The following SMAP1 variants were observed in gnomAD, a reference collection of about 807,000 sequenced individuals.
SMAP1 encodes the protein stromal membrane-associated protein 1.
SMAP1 carries 24 observed loss-of-function variants against 58.5 expected under a neutral mutation model. The ratio of observed to expected loss-of-function variants is 0.41; its 90% CI spans 0.30 to 0.58. The LOEUF (loss-of-function observed/expected upper bound fraction) is 0.58, where lower values mean the gene tolerates loss of function less well. Ranked by LOEUF, SMAP1 falls within the 20% of genes least tolerant of loss-of-function variation. SMAP1 has a pLI of 0.29. For missense variants in SMAP1, 563 were observed against 566.3 expected, an observed-to-expected ratio of 0.99 and a Z score of 0.06; for synonymous variants, 216 against 196.6, an observed-to-expected ratio of 1.10 and a Z score of -0.82.
At chr6:70,834,707 T>C (rs1286960458) in intron 6 of SMAP1, among the ~76,000 whole-genome samples, 1 of 152,220 alleles carries the variant, frequency 6.6e-6, no homozygotes, top group African/African-American at 2.4e-5. Context: ...CACACGATTC[T>C]CAGATTCCCT....
intron 3 of SMAP1, among the ~76,000 whole-genome samples, chr6:70,772,150 G>C (rs1767352674): frequency 6.6e-6 from 1 of 152,196 alleles, no homozygotes; most frequent in Admixed American, 6.5e-5. Flanking sequence ...GTAGGTAGGG[G>C]AAAATTTGGA....
intron 1 of SMAP1, among the ~76,000 whole-genome samples, chr6:70,724,766 C>T (rs1449643761): frequency 6.6e-6 from 1 of 152,124 alleles, no homozygotes; most frequent in Admixed American, 6.6e-5. Flanking sequence ...CAGATAACCA[C>T]AGGTGACTAG....
At chr6:70,775,028 A>G (rs2149917031) in intron 4 of SMAP1, among the ~76,000 whole-genome samples, 1 of 152,026 alleles carries the variant, frequency 6.6e-6, no homozygotes, top group East Asian at 1.9e-4. Context: ...AAAAAAAATT[A>G]AGTTTTCAAG....
chr6:70,673,200 CT>C (rs1325774473), intron 1 of SMAP1, among the ~76,000 whole-genome samples: 1 of 152,204 alleles, frequency 6.6e-6, no homozygotes, highest in Non-Finnish European at 1.5e-5. Flanking sequence ...TGCTGAACTG[CT>C]TTCAAGGCCA....
At chr6:70,759,750 A>G (rs965503140) in intron 3 of SMAP1, 6 of 287,366 alleles carry the variant, frequency 2.1e-5, no homozygotes, top group East Asian at 8.3e-5. Flanking sequence ...GTCCTTTTCT[A>G]TAGATTTCAG....
intron 2 of SMAP1, among the ~76,000 whole-genome samples, chr6:70,749,090 C>T (rs570614523): frequency 3.9e-5 from 6 of 152,234 alleles, no homozygotes; most frequent in African/African-American, 1.4e-4. Context: ...TTAATTGACT[C>T]GGTTCCTCAT....
chr6:70,794,521 C>T (rs1159308415), intron 5 of SMAP1, among the ~76,000 whole-genome samples: 1 of 152,174 alleles, frequency 6.6e-6, no homozygotes, highest in Non-Finnish European at 1.5e-5. Context: ...GTTTGCTGCA[C>T]TCGTCAACTC....
chr6:70,716,369 G>A (rs536960031), intron 1 of SMAP1, among the ~76,000 whole-genome samples: 2 of 152,176 alleles, frequency 1.3e-5, no homozygotes, highest in Non-Finnish European at 2.9e-5. Flanking sequence ...GTTCACAACA[G>A]AGTTTGTGCT....
chr6:70,842,394 C>T lies in SMAP1; in HGVS notation c.664+5366C>T, dbSNP rs138899919. On this transcript the variant is annotated intron_variant, in intron 7 of 10. Transcript: ENST00000370455. ...TTGGTGTAAGGTAACTAGCAATGGG[C>T]GGATACTTGCAAGTGGTCCTGAGTC... 1.9e-3 allele frequency among the ~76,000 whole-genome samples: 290 copies of T among 152,216 alleles called. 1 individual carries two copies. The highest frequency in any genetic ancestry group is 6.5e-3 in the African/African-American group (270 of 41,538).
chr6:70,799,225 G>A (rs1768739223), intron 6 of SMAP1, among the ~76,000 whole-genome samples: 1 of 152,138 alleles, frequency 6.6e-6, no homozygotes, highest in African/African-American at 2.4e-5. Context: ...TGAATTTGAA[G>A]AAAGGGATTT....
chr6:70,750,566 A>G (rs1017803302), intron 2 of SMAP1, among the ~76,000 whole-genome samples: 1 of 152,204 alleles, frequency 6.6e-6, no homozygotes, highest in Non-Finnish European at 1.5e-5. Flanking sequence ...AATGTTTCAT[A>G]TACATTAGAT....
At chr6:70,704,685 A>G (rs534110947) in intron 1 of SMAP1, among the ~76,000 whole-genome samples, 3 of 152,280 alleles carry the variant, frequency 2.0e-5, no homozygotes, top group Admixed American at 6.5e-5. Flanking sequence ...AAATCTTTAT[A>G]TAGCAATTTT....
chr6:70,831,368 C>T (rs1244340754), intron 6 of SMAP1, among the ~76,000 whole-genome samples: 1 of 151,950 alleles, frequency 6.6e-6, no homozygotes, highest in Non-Finnish European at 1.5e-5. Flanking sequence ...ATTTTGTCAT[C>T]CAAGTCATAA....
rs1771602955 is a variant in SMAP1, at chr6:70,859,470, T to TTTATG, written c.1270-726_1270-722dup. 5.3e-6 allele frequency: 6 copies of TTTATG among 1,142,594 alleles called. No homozygotes were observed. The East Asian group carries it at 1.6e-4, about 30-fold the overall frequency. 70.8% of individuals were successfully genotyped at this position (1,142,594 alleles called of 1,614,324 possible). ...CACTTATGCCTGATTAGTGATGTAG[T>TTTATG]TTATGTTAGTGTCTTTGAAACTGTA... On this transcript the variant is annotated intron_variant, in intron 10 of 10. Coordinates refer to ENST00000370455, the MANE Select transcript of SMAP1 (RefSeq NM_001044305.3).
intron 6 of SMAP1, among the ~76,000 whole-genome samples, chr6:70,804,848 G>T (rs1172151990): frequency 1.3e-5 from 2 of 151,752 alleles, no homozygotes; most frequent in Non-Finnish European, 2.9e-5. Context: ...GGCCTATAGT[G>T]TTTCTGCTGA....
chr6:70,769,202 T>C (rs1767151452), intron 3 of SMAP1, among the ~76,000 whole-genome samples: 1 of 152,180 alleles, frequency 6.6e-6, no homozygotes, highest in South Asian at 2.1e-4. Flanking sequence ...AGGTGTGGTG[T>C]GGTGCTGAAA....
chr6:70,791,286 A>G (rs1215476027), intron 4 of SMAP1, among the ~76,000 whole-genome samples: 1 of 152,198 alleles, frequency 6.6e-6, no homozygotes, highest in Non-Finnish European at 1.5e-5. Flanking sequence ...AGTAAAAACA[A>G]AAACTCATTT....
chr6:70,801,218 G>T (rs977358153), intron 6 of SMAP1, among the ~76,000 whole-genome samples: 1 of 152,112 alleles, frequency 6.6e-6, no homozygotes. Flanking sequence ...ATTCTACCTG[G>T]CGTGAGATGG....
intron 7 of SMAP1, among the ~76,000 whole-genome samples, chr6:70,842,656 C>T (rs1770844557): frequency 6.6e-6 from 1 of 152,150 alleles, no homozygotes; most frequent in South Asian, 2.1e-4. Flanking sequence ...ATGGCTTAAA[C>T]ATAAGGACAT....
Sources: allele counts gnomAD v4.1 joint callset (sites outside exome capture counted in the v4.1 genomes callset), GRCh38; gene constraint gnomAD v4.1.1; transcripts MANE v1.5; gene names NCBI Gene and HGNC (gene_info 2026-07-23, HGNC 2026-07-21).